SH3TC2: variants seen among roughly 807,000 people sequenced by gnomAD.
SH3TC2 encodes SH3 domain and tetratricopeptide repeat-containing protein 2.
A neutral mutation model predicts 124.5 loss-of-function variants in SH3TC2; 87 were observed. That is an observed-to-expected ratio of 0.70 (90% confidence interval 0.59 to 0.84). SH3TC2 has a LOEUF of 0.84. Ranked by LOEUF, SH3TC2 falls within the 40% of genes least tolerant of loss-of-function variation. The probability of loss-of-function intolerance (pLI) is 0.00; values close to 1 mark genes in which losing one functional copy is unlikely to be tolerated. For synonymous variants in SH3TC2, 634 were observed against 628.5 expected (o/e 1.01, Z -0.13); for missense variants, 1,536 against 1,566.4 (o/e 0.98, Z 0.33).
intron 7 of SH3TC2, 114 bp from the exon 8 acceptor site, chr5:149,038,604 A>G: frequency 8.6e-7 from 1 of 1,163,002 alleles, no homozygotes; most frequent in Non-Finnish European, 1.3e-6. Flanking sequence ...GTCAAGGACC[A>G]GTAACATTTC....
rs753234712 is a variant in SH3TC2, at chr5:148,992,455, C to A, written c.*12256G>T. On this transcript the variant is annotated 3_prime_UTR_variant, in exon 17 of 17. Transcript: ENST00000515425. ...TATATAACACCTACCTAAGCCCTAG[C>A]ATGTCAACCCTGGACAGGTCCTGAC... is the stretch of plus-strand genomic sequence containing the variant. Among the ~76,000 whole-genome samples the A allele has an allele frequency of 3.9e-5, 6 of 152,184 alleles. No homozygotes were observed. Among genetic ancestry groups the A allele is most frequent in the Non-Finnish European group, 7.3e-5 (5 of 68,030 alleles).
chr5:149,013,294 A>T (rs2400791), intron 12 of SH3TC2, among the ~76,000 whole-genome samples: 49 of 106,064 alleles, frequency 4.6e-4, no homozygotes, highest in Non-Finnish European at 8.8e-4. Flanking sequence ...AGTGAGTCTC[A>T]TGAGATCTGA....
Position 149,063,060 on chromosome 5 carries a change from C to A in SH3TC2, c.-38G>T, listed in dbSNP as rs1446154651. On this transcript the variant is annotated 5_prime_UTR_variant, in exon 1 of 17. Coordinates refer to ENST00000515425, the MANE Select transcript of SH3TC2 (RefSeq NM_024577.4). ...CTACCCTGGCCGAGGCCCTTGGGAA[C>A]ACAGGCCAGAAGAGTGCTGCAAGGG... The A allele has an allele frequency of 6.4e-7, 1 of 1,573,532 alleles. No homozygotes were observed. Among genetic ancestry groups the A allele is most frequent in the East Asian group, 2.3e-5 (1 of 42,856 alleles).
chr5:149,044,423 G>T, intron 4 of SH3TC2, 110 bp downstream of exon 4: 2 of 805,810 alleles, frequency 2.5e-6, no homozygotes, highest in Non-Finnish European at 4.3e-6. Context: ...CTTTTTTAAG[G>T]CTCTATTTCT....
chr5:149,017,152 T>A (rs999497166), intron 12 of SH3TC2, among the ~76,000 whole-genome samples: 2 of 152,210 alleles, frequency 1.3e-5, no homozygotes, highest in Admixed American at 1.3e-4. Flanking sequence ...CTGTTATCAT[T>A]GTGAGCTCAT....
intron 1 of SH3TC2, among the ~76,000 whole-genome samples, chr5:149,057,115 A>G (rs1469980443): frequency 4.6e-5 from 7 of 152,228 alleles, no homozygotes; most frequent in Admixed American, 1.3e-4. Flanking sequence ...AGACAACACA[A>G]TCTGCTAATA....
At chr5:149,042,902 G>A in intron 4 of SH3TC2, 65 bp from the exon 5 acceptor site, 3 of 1,599,466 alleles carry the variant, frequency 1.9e-6, no homozygotes, top group Non-Finnish European at 2.6e-6. Flanking sequence ...GCACAGAAGA[G>A]AGTGAGAAAA....
Position 149,027,752 on chromosome 5 carries a change from C to G in SH3TC2, c.1980G>C (p.Gln660His). The G allele has an allele frequency of 6.2e-7, 1 of 1,613,950 alleles. No individual in the cohort carries two copies. Among genetic ancestry groups the G allele is most frequent in the Non-Finnish European group, 8.5e-7 (1 of 1,179,936 alleles). The change falls in exon 11 of 17, where the codon CAG (glutamine) becomes CAC (histidine). Residue 660 changes from glutamine (Q) to histidine (H), a missense_variant. Coordinates refer to ENST00000515425, the MANE Select transcript of SH3TC2 (RefSeq NM_024577.4). ...EEVLPFAERL[Q>H]LLSGHPPASE... ...AGGCAGGAGGGTGTCCAGAGAGGAG[C>G]TGCAGGCGCTCGGCAAAGGGCAGGA...
At position 149,010,301 on chromosome 5, in the gene SH3TC2, C is replaced by A; in HGVS notation, c.3296G>T (p.Arg1099Leu). The A allele has an allele frequency of 6.2e-7, 1 of 1,614,202 alleles. No individual in the cohort carries two copies. Among genetic ancestry groups the A allele is most frequent in the Non-Finnish European group, 8.5e-7 (1 of 1,180,028 alleles). Residue 1099 changes from arginine to leucine, a missense_variant, in exon 14 of 17, where the codon CGC (arginine) becomes CTC (leucine). By Grantham distance (102) the Arg-to-Leu change is moderately radical. Around this residue, in one of 3 missense-constraint regions of SH3TC2, gnomAD observed 426 missense variants for 443.5 expected, o/e 0.96. Transcript: ENST00000515425. ...EAGDVFFNGT[R>L]HRHHAVEYYR... ...GTACTCCACTGCATGATGCCTGTGG[C>A]GGGTCCCATTGAAGAACACATCACC...
rs976391070 is a variant in SH3TC2, at chr5:149,003,725, C to T, written c.*986G>A. On this transcript the variant is annotated 3_prime_UTR_variant, in exon 17 of 17. Transcript: ENST00000515425. The stretch of plus-strand genomic sequence containing the variant: ...GCCTTGTAGTTGGGTATGGCACATG[C>T]CTGTAGTTCCAGCTACTCAGGAGGT... 3.8e-5 allele frequency: 16 copies of T among 423,828 alleles called. No homozygotes were observed. The highest frequency in any genetic ancestry group is 2.3e-4 in the African/African-American group (11 of 47,886). The allele number at this position is 423,828 out of a possible 1,614,324, so 26.3% of individuals were successfully genotyped here. A position where few individuals can be genotyped will look rare whatever the true frequency, so the allele number is the denominator to read the frequency against.
At chr5:149,012,552 A>G (rs1753801144) in intron 13 of SH3TC2, 32 bp downstream of exon 13, 2 of 1,613,818 alleles carry the variant, frequency 1.2e-6, no homozygotes, top group Non-Finnish European at 1.7e-6. Context: ...ATCCAAGTCA[A>G]CAACTCCCAG....
At position 148,990,100 on chromosome 5, in the gene SH3TC2, G is replaced by A. The variant is rs1033805572; in HGVS notation, c.*14611C>T. ...TCTCTCATGGGTGAACCATCCTGGG[G>A]AAACTGAGATAGCCCCAAAGTAGGT... is the stretch of plus-strand genomic sequence containing the variant. On this transcript the variant is annotated 3_prime_UTR_variant, in exon 17 of 17. Transcript: ENST00000515425. Among the ~76,000 whole-genome samples the A allele has an allele frequency of 6.6e-6, 1 of 152,026 alleles. No homozygotes were observed. The highest frequency in any genetic ancestry group is 2.4e-5 in the African/African-American group (1 of 41,370).
intron 12 of SH3TC2, among the ~76,000 whole-genome samples, chr5:149,019,465 C>G (rs983818382): frequency 1.1e-4 from 17 of 152,182 alleles, no homozygotes; most frequent in African/African-American, 4.1e-4. Context: ...TTCAATATCA[C>G]TTATATTAGT....
intron 5 of SH3TC2, 49 bp downstream of exon 5, chr5:149,042,645 T>C: frequency 6.2e-7 from 1 of 1,611,742 alleles, no homozygotes; most frequent in Non-Finnish European, 8.5e-7. Context: ...TGGCCTCTGG[T>C]AGCAAATATC....
At position 149,028,184 on chromosome 5, in the gene SH3TC2, C is replaced by A. The variant is rs753603104; in HGVS notation, c.1548G>T (p.Lys516Asn). The A allele has an allele frequency of 1.9e-6, 3 of 1,614,108 alleles. 1 individual carries two copies. In the Middle Eastern group the frequency reaches 4.9e-4, roughly 266 times the overall value. The change falls in exon 11 of 17, where the codon AAG becomes AAT. Residue 516 changes from lysine (K) to asparagine (N), a missense_variant. Lys to Asn is a moderately conservative substitution (Grantham distance 94). Around this residue, in one of 3 missense-constraint regions of SH3TC2, gnomAD observed 1,102 missense variants for 1,098.6 expected, o/e 1.00. Transcript: ENST00000515425. The part of the protein sequence containing the change: ...EFVAYLEASR[K>N]WAKKSHMTWA... ...AGGTCATGTGGCTCTTCTTGGCCCA[C>A]TTTCTTGATGCCTCCAGGTAGGCCA...
chr5:149,030,259 G>T (rs1335090405), intron 9 of SH3TC2, among the ~76,000 whole-genome samples: 1 of 152,188 alleles, frequency 6.6e-6, no homozygotes, highest in Non-Finnish European at 1.5e-5. Context: ...TATGGTATAC[G>T]CCTTGGGGAA....
At position 149,004,460 on chromosome 5, in the gene SH3TC2, G is replaced by A; in HGVS notation, c.*251C>T. ...AAAGTGCTTTTCAGAGGCTGTTTGT[G>A]TGGAAGGCAACAGTCAACCGGTAAA... is the stretch of plus-strand genomic sequence containing the variant. On this transcript the variant is annotated 3_prime_UTR_variant, in exon 17 of 17. Transcript: ENST00000515425. 1.9e-6 allele frequency: 1 copy of A among 528,178 alleles called. No homozygotes were observed. Among genetic ancestry groups the A allele is most frequent in the Non-Finnish European group, 3.4e-6 (1 of 296,032 alleles). 32.7% of individuals were successfully genotyped at this position (528,178 alleles called of 1,614,324 possible).
rs1299314292 is a variant in SH3TC2, at chr5:148,997,428, C to CT, written c.*7282dup. ...TTTCCATTTGGGAAATGCAGTCTCT[C>CT]TTTTTTTCTAGGCTAAGTTACCTGA... On this transcript the variant is annotated 3_prime_UTR_variant, in exon 17 of 17. Transcript: ENST00000515425. Among the ~76,000 whole-genome samples the CT allele has an allele frequency of 1.3e-5, 2 of 152,188 alleles. No individual in the cohort carries two copies. The highest frequency in any genetic ancestry group is 1.5e-5 in the Non-Finnish European group (1 of 68,026).
chr5:149,055,677 A>G (rs1754633719), intron 1 of SH3TC2, among the ~76,000 whole-genome samples: 2 of 152,218 alleles, frequency 1.3e-5, no homozygotes, highest in Non-Finnish European at 2.9e-5. Context: ...GACATCCACT[A>G]AAATATTCAG....
Sources: allele counts gnomAD v4.1 joint callset (sites outside exome capture counted in the v4.1 genomes callset), GRCh38; gene constraint gnomAD v4.1.1; regional missense constraint gnomAD v4.1.1; transcripts MANE v1.5; gene names NCBI Gene and HGNC (gene_info 2026-07-23, HGNC 2026-07-21).